TCF4: variants seen among roughly 807,000 people sequenced by gnomAD.
TCF4 encodes the protein SL3-3 enhancer factor 2.
In TCF4, 3 loss-of-function variants were observed where a neutral mutation model predicts 82.1. The ratio of observed to expected loss-of-function variants is 0.04; its 90% CI spans 0.02 to 0.09. The LOEUF is 0.09. Ranked by LOEUF, TCF4 falls within the 10% of genes least tolerant of loss-of-function variation. TCF4 has a pLI of 1.00. For missense variants in TCF4, 518 were observed against 852.7 expected (o/e 0.61, Z 4.89); for synonymous variants, 276 against 309.6 (o/e 0.89, Z 1.14).
At chr18:55,260,520 C>A (rs927102877) in intron 12 of TCF4, among the ~76,000 whole-genome samples, 1 of 152,090 alleles carries the variant, frequency 6.6e-6, no homozygotes, top group African/African-American at 2.4e-5. Flanking sequence ...TGGTAAAAGC[C>A]AACTGAAGAG....
At chr18:55,497,108 A>T (rs2096645927) in intron 3 of TCF4, among the ~76,000 whole-genome samples, 3 of 152,168 alleles carry the variant, frequency 2.0e-5, no homozygotes, top group Non-Finnish European at 4.4e-5. Flanking sequence ...TTCTATTATA[A>T]ATATCTTCAA....
At chr18:55,531,607 T>G (rs897719218) in intron 3 of TCF4, among the ~76,000 whole-genome samples, 3 of 152,236 alleles carry the variant, frequency 2.0e-5, no homozygotes, top group African/African-American at 7.2e-5. Flanking sequence ...ATTTCACTAC[T>G]AATATTCAGC....
upstream of TCF4, chr18:55,588,357 G>T (rs2097673154): frequency 4.7e-6 from 7 of 1,496,312 alleles, no homozygotes; most frequent in Non-Finnish European, 6.2e-6. Context: ...GACTTGCTCC[G>T]GGTCGGGCAG....
At chr18:55,490,201 CA>C (rs1306553790) in intron 3 of TCF4, among the ~76,000 whole-genome samples, 1 of 152,162 alleles carries the variant, frequency 6.6e-6, no homozygotes. Context: ...CAAAGCCAGT[CA>C]AAATGGGATT....
chr18:55,589,463 A>G, upstream of TCF4: 1 of 1,056,470 alleles, frequency 9.5e-7, no homozygotes, highest in Non-Finnish European at 1.1e-6. Context: ...AAGATTATGC[A>G]CCTGGCTCTG....
intron 6 of TCF4, among the ~76,000 whole-genome samples, chr18:55,395,979 C>T (rs997371928): frequency 1.3e-5 from 2 of 152,092 alleles, no homozygotes; most frequent in Admixed American, 6.6e-5. Flanking sequence ...ATCTGCCCTC[C>T]GCTATGCCTT....
At position 55,261,489 on chromosome 18, in the gene TCF4, C is replaced by T; in HGVS notation, c.967G>A (p.Ala323Thr). The change falls in exon 12 of 20, where the codon GCT (alanine) becomes ACT (threonine). Residue 323 changes from alanine (A) to threonine (T), a missense_variant. Transcript: ENST00000354452. ...ACCGAAGCAAGTGCTTTCCCCAGAG[C>T]ATCTCCAGTCTGGGAGCTGCCGGCT... ...GAAGSSQTGD[A>T]LGKALASIYS... is the part of the protein sequence containing the mutation. 1 of 1,613,928 alleles carries T rather than the reference C, an allele frequency of 6.2e-7. No individual in the cohort carries two copies.
At chr18:55,570,343 T>G (rs182993284) in intron 3 of TCF4, among the ~76,000 whole-genome samples, 91 of 152,256 alleles carry the variant, frequency 6.0e-4, no homozygotes, top group African/African-American at 2.2e-3. Flanking sequence ...TATCTTAAAT[T>G]TAAGGACTTT....
Position 55,263,994 on chromosome 18 carries a change from T to A in TCF4, c.923-2461A>T, listed in dbSNP as rs1489647282. ...CCTTTAAACAACTTTAAAATGAAGA[T>A]TACAAATAATATATATATTTTTATG... On this transcript the variant is annotated intron_variant, in intron 11 of 19. Coordinates refer to ENST00000354452, the MANE Select transcript of TCF4 (RefSeq NM_001083962.2). Among the ~76,000 whole-genome samples, 14 of 152,146 alleles carry A rather than the reference T, an allele frequency of 9.2e-5. No individual in the cohort carries two copies. In the South Asian group the frequency reaches 2.7e-3, roughly 29 times the overall value.
chr18:55,275,887 A>G (rs2061422039), intron 9 of TCF4, 135 bp from the exon 10 acceptor site: 3 of 1,109,178 alleles, frequency 2.7e-6, no homozygotes, highest in Non-Finnish European at 4.0e-6. Flanking sequence ...TTACATCAGA[A>G]GACAGTCATC....
intron 5 of TCF4, among the ~76,000 whole-genome samples, chr18:55,436,273 C>T (rs2095327412): frequency 6.6e-6 from 1 of 151,990 alleles, no homozygotes; most frequent in African/African-American, 2.4e-5. Context: ...TATTAACATC[C>T]AGAGAAATAA....
intron 3 of TCF4, among the ~76,000 whole-genome samples, chr18:55,518,245 T>C (rs2096901619): frequency 6.6e-6 from 1 of 152,150 alleles, no homozygotes; most frequent in South Asian, 2.1e-4. Flanking sequence ...TTTAAATATT[T>C]ATAGCTAATA....
At chr18:55,403,743 T>C in intron 5 of TCF4, 1 of 1,535,920 alleles carries the variant, frequency 6.5e-7, no homozygotes, top group Non-Finnish European at 8.7e-7. Context: ...TGCTCCACAC[T>C]TCCAAAAACT....
chr18:55,246,687 T>C (rs2053320282), intron 15 of TCF4, among the ~76,000 whole-genome samples: 1 of 152,076 alleles, frequency 6.6e-6, no homozygotes, highest in African/African-American at 2.4e-5. Flanking sequence ...AAAGAATTTC[T>C]TCAAGTTCTT....
At chr18:55,541,382 G>A (rs559867751) in intron 3 of TCF4, among the ~76,000 whole-genome samples, 2 of 151,848 alleles carry the variant, frequency 1.3e-5, no homozygotes, top group African/African-American at 2.4e-5. Context: ...TTAAAAACAC[G>A]GATACCAATA....
intron 15 of TCF4, 82 bp from the exon 16 acceptor site, chr18:55,234,765 A>C: frequency 1.2e-6 from 2 of 1,605,488 alleles, no homozygotes; most frequent in Non-Finnish European, 1.7e-6. Flanking sequence ...GGACCTGATG[A>C]AGGCTGGCTT....
At chr18:55,470,044 C>T (rs1489147748) in intron 3 of TCF4, among the ~76,000 whole-genome samples, 1 of 152,126 alleles carries the variant, frequency 6.6e-6, no homozygotes, top group Non-Finnish European at 1.5e-5. Context: ...AATGTAATGG[C>T]CTCTTGAGTC....
chr18:55,509,536 G>GA (rs1473243725), intron 3 of TCF4, among the ~76,000 whole-genome samples: 1 of 152,130 alleles, frequency 6.6e-6, no homozygotes, highest in East Asian at 1.9e-4. Flanking sequence ...AAAAAGAATG[G>GA]ACTGTTGAAA....
chr18:55,406,694 C>T (rs999760640), intron 5 of TCF4, among the ~76,000 whole-genome samples: 2 of 152,154 alleles, frequency 1.3e-5, no homozygotes, highest in Non-Finnish European at 2.9e-5. Context: ...AACTGGCTGG[C>T]GCGGACAGCC....
Sources: allele counts gnomAD v4.1 joint callset (sites outside exome capture counted in the v4.1 genomes callset), GRCh38; gene constraint gnomAD v4.1.1; transcripts MANE v1.5; gene names NCBI Gene and HGNC (gene_info 2026-07-23, HGNC 2026-07-21).